CFAP54: variants seen among roughly 807,000 people sequenced by gnomAD.
CFAP54 encodes the protein cilia and flagella associated protein 54, also known as cilia- and flagella-associated protein 54.
A neutral mutation model predicts 370.4 loss-of-function variants in CFAP54; 290 were observed. The ratio of observed to expected loss-of-function variants is 0.78; its 90% confidence interval spans 0.71 to 0.86. The LOEUF is 0.86. Among genes scored for constraint, CFAP54 ranks in the 40% least tolerant of loss-of-function variants. The pLI is 0.00. For missense variants in CFAP54, 3,399 were observed against 3,528.7 expected (o/e 0.96, Z 0.93); for synonymous variants, 1,206 against 1,236.5 (o/e 0.98, Z 0.52).
chr12:96,823,489 A>G (rs767495573), intron 65 of CFAP54, among the ~76,000 whole-genome samples: 6 of 152,208 alleles, frequency 3.9e-5, no homozygotes, highest in Non-Finnish European at 7.3e-5. Context: ...GAAGTCATGG[A>G]ACTGAATCTC....
intron 60 of CFAP54, among the ~76,000 whole-genome samples, chr12:96,771,437 G>A (rs1180586035): frequency 7.2e-5 from 11 of 152,308 alleles, no homozygotes; most frequent in African/African-American, 2.2e-4. Context: ...CGGTTCACGA[G>A]GTCAGGAGAT....
intron 50 of CFAP54, among the ~76,000 whole-genome samples, chr12:96,728,342 A>G (rs1225928194): frequency 6.6e-6 from 1 of 152,216 alleles, no homozygotes; most frequent in Non-Finnish European, 1.5e-5. Context: ...GTGTTTTCAC[A>G]TAGTCCCATA....
rs550085100 is a variant in CFAP54 at position 96,778,322 on chromosome 12, T to A, written c.8282-6395T>A. Among the ~76,000 whole-genome samples, 17 of 152,336 alleles carry A rather than the reference T, an allele frequency of 1.1e-4. No homozygotes were observed. In the East Asian group the frequency reaches 3.1e-3, roughly 28 times the overall value. The stretch of plus-strand genomic sequence containing the variant: ...GTGTACATTTCTCTAACTAATGCAT[T>A]TATCTAGCTTTGAGTTTGAAAGGCT... On this transcript the variant is annotated intron_variant, in intron 60 of 67. Transcript: ENST00000524981.
chr12:96,658,573 T>G (rs956892397), intron 38 of CFAP54, among the ~76,000 whole-genome samples: 2 of 152,050 alleles, frequency 1.3e-5, no homozygotes, highest in Non-Finnish European at 2.9e-5. Context: ...AAGACTAACT[T>G]AGCCATAAAG....
chr12:96,825,485 CAT>C (rs576025924), intron 65 of CFAP54, among the ~76,000 whole-genome samples: 1,933 of 100,448 alleles, frequency 0.019, 25 homozygotes, highest in Non-Finnish European at 0.028. Flanking sequence ...TATTATATAA[CAT>C]ATATAACATA....
At chr12:96,597,581 A>G (rs1202834087) in intron 25 of CFAP54, among the ~76,000 whole-genome samples, 4 of 151,764 alleles carry the variant, frequency 2.6e-5, no homozygotes, top group Admixed American at 6.6e-5. Context: ...TGAGTAAATA[A>G]TGGCTGATCC....
At chr12:96,693,154 A>G (rs937849303) in intron 44 of CFAP54, among the ~76,000 whole-genome samples, 10 of 152,212 alleles carry the variant, frequency 6.6e-5, no homozygotes, top group African/African-American at 1.9e-4. Flanking sequence ...AATATACGCT[A>G]TGTGAAGGCA....
chr12:96,855,057 T>C (rs1959661706), intron 66 of CFAP54, among the ~76,000 whole-genome samples: 1 of 152,104 alleles, frequency 6.6e-6, no homozygotes, highest in Admixed American at 6.5e-5. Flanking sequence ...CATGTCCTTC[T>C]TCACATGGGG....
At chr12:96,733,598 A>G (rs925164304) in intron 50 of CFAP54, among the ~76,000 whole-genome samples, 18 of 105,988 alleles carry the variant, frequency 1.7e-4, no homozygotes, top group South Asian at 2.7e-4. Flanking sequence ...CATTTGATCT[A>G]TTGTTTAAAT....
intron 60 of CFAP54, among the ~76,000 whole-genome samples, chr12:96,771,413 G>A (rs1565972753): frequency 6.6e-6 from 1 of 152,212 alleles, no homozygotes; most frequent in Non-Finnish European, 1.5e-5. Flanking sequence ...AGCACTTTGG[G>A]AGGCCAAGGC....
At chr12:96,672,499 G>A (rs1250357000) in intron 39 of CFAP54, among the ~76,000 whole-genome samples, 1 of 152,182 alleles carries the variant, frequency 6.6e-6, no homozygotes, top group Non-Finnish European at 1.5e-5. Flanking sequence ...TAGGAGAAAG[G>A]AAGGGAGAAG....
chr12:96,779,418 G>A (rs1022044726), intron 60 of CFAP54, among the ~76,000 whole-genome samples: 4 of 151,954 alleles, frequency 2.6e-5, no homozygotes, highest in African/African-American at 9.7e-5. Flanking sequence ...TCATTCTACT[G>A]TTGGTAAACA....
Position 96,623,803 on chromosome 12 carries a change from C to T in CFAP54, c.3808C>T (p.Gln1270Ter), listed in dbSNP as rs1339145526. 6.5e-7 allele frequency: 1 copy of T among 1,535,274 alleles called. No homozygotes were observed. The highest frequency in any genetic ancestry group is 2.0e-5 in the Admixed American group (1 of 50,968). Residue 1270 changes from glutamine (Q) to a stop codon, truncating the protein, a stop_gained, in exon 28 of 68, where the codon CAG becomes TAG. Transcript: ENST00000524981. LOFTEE classifies it high-confidence loss of function. ...GAAGTCTTTAAAGACTAAGAAGCCA[C>T]AGCAGATACTACTGCCTGAAAAGAT... is the stretch of plus-strand genomic sequence containing the variant. The part of the protein sequence containing the change: ...SKKSLKTKKP[Q>*]QILLPEKINE...
At position 96,621,610 on chromosome 12, in the gene CFAP54, A is replaced by G. The variant is rs2136465782; in HGVS notation, c.3660A>G (p.Glu1220=). ...ATTAGATTCTTCGTTCATGGAGGGA[A>G]TATGACCTGGCAGTAATGATTATAA... The part of the protein sequence containing the change: ...YITKILRSWR[E]YDLAVMIINY... The change falls in exon 27 of 68, where the codon GAA becomes GAG. Residue 1220 remains glutamate, a synonymous_variant. Transcript: ENST00000524981. The G allele has an allele frequency of 6.7e-7, 1 of 1,497,118 alleles. No homozygotes were observed. The highest frequency in any genetic ancestry group is 1.3e-5 in the South Asian group (1 of 79,764). The allele number at this position is 1,497,118 out of a possible 1,614,324, so 92.7% of individuals were successfully genotyped here. A position where few individuals can be genotyped will look rare whatever the true frequency, so the allele number is the denominator to read the frequency against.
chr12:96,556,056 G>A (rs1955747697), intron 17 of CFAP54, among the ~76,000 whole-genome samples: 1 of 151,660 alleles, frequency 6.6e-6, no homozygotes. Context: ...ATATCCATAT[G>A]GATAAAACCA....
intron 1 of CFAP54, among the ~76,000 whole-genome samples, chr12:96,499,700 C>G (rs1955002451): frequency 6.6e-6 from 1 of 152,168 alleles, no homozygotes; most frequent in Admixed American, 6.5e-5. Flanking sequence ...AATACTAGCA[C>G]TTTGGGTGGC....
intron 24 of CFAP54, 68 bp downstream of exon 24, chr12:96,592,705 A>G: frequency 1.9e-6 from 1 of 528,076 alleles, no homozygotes; most frequent in Non-Finnish European, 2.9e-6. Flanking sequence ...TTTTAAGATC[A>G]TGTTTTTTGA....
intron 15 of CFAP54, among the ~76,000 whole-genome samples, chr12:96,549,450 C>T (rs959679797): frequency 1.3e-4 from 20 of 152,158 alleles, no homozygotes; most frequent in African/African-American, 4.6e-4. Flanking sequence ...GCTGGGAAAT[C>T]GTCAAAATAA....
intron 4 of CFAP54, 38 bp downstream of exon 4, chr12:96,507,137 C>G: frequency 7.1e-7 from 1 of 1,408,304 alleles, no homozygotes; most frequent in South Asian, 1.5e-5. Context: ...TTGTGTCTTT[C>G]AGAAAGTTAC....
Sources: gnomAD v4.1 joint callset for allele counts (sites outside exome capture counted in the v4.1 genomes callset) on GRCh38, gnomAD v4.1.1 for gene constraint, MANE v1.5 for transcripts, NCBI Gene and HGNC (gene_info 2026-07-23, HGNC 2026-07-21) for gene names.